The following C10orf90 variants were observed in gnomAD, a reference collection of about 807,000 sequenced individuals.
C10orf90 encodes (E2-independent) E3 ubiquitin-conjugating enzyme FATS.
A neutral mutation model predicts 62.5 loss-of-function variants in C10orf90; 56 were observed. The observed-to-expected ratio is 0.90, with a 90% CI of 0.72 to 1.12. The LOEUF (loss-of-function observed/expected upper bound fraction) is 1.12. Among genes scored for constraint, C10orf90 ranks in the 50% most tolerant of loss-of-function variants. The pLI is 0.00. For missense variants in C10orf90, 970 were observed against 880.4 expected, an observed-to-expected ratio of 1.10 and a Z score of -1.29; for synonymous variants, 386 against 340.4, an observed-to-expected ratio of 1.13 and a Z score of -1.47.
At chr10:126,562,957 A>G (rs1340953986) in intron 2 of C10orf90, among the ~76,000 whole-genome samples, 1 of 152,222 alleles carries the variant, frequency 6.6e-6, no homozygotes, top group Non-Finnish European at 1.5e-5. Context: ...GCATGCTGCC[A>G]CCCACTCTCA....
intron 2 of C10orf90, among the ~76,000 whole-genome samples, chr10:126,592,994 T>C (rs913097426): frequency 2.6e-5 from 4 of 152,184 alleles, no homozygotes; most frequent in African/African-American, 9.7e-5. Context: ...AGATACCATG[T>C]CATGCCAGTC....
intron 4 of C10orf90, among the ~76,000 whole-genome samples, chr10:126,496,407 T>G (rs759579262): frequency 6.6e-6 from 1 of 152,214 alleles, no homozygotes; most frequent in African/African-American, 2.4e-5. Flanking sequence ...TCATCAAGAC[T>G]TATCAAGAGA....
chr10:126,631,604 A>C (rs1564900640), intron 2 of C10orf90, among the ~76,000 whole-genome samples: 1 of 152,050 alleles, frequency 6.6e-6, no homozygotes. Context: ...TTGCATGCTC[A>C]GTGCCCGGCA....
At chr10:126,565,408 A>AATATATATT (rs1419042631) in intron 2 of C10orf90, among the ~76,000 whole-genome samples, 6 of 44,958 alleles carry the variant, frequency 1.3e-4, no homozygotes, top group East Asian at 6.5e-4. Context: ...TATTATATAT[A>AATATATATT]ATATATATTA....
chr10:126,458,612 T>C (rs1859738706), intron 7 of C10orf90, among the ~76,000 whole-genome samples: 1 of 152,118 alleles, frequency 6.6e-6, no homozygotes, highest in Non-Finnish European at 1.5e-5. Context: ...TTCTCTGAGC[T>C]CACAGCAGGA....
At chr10:126,655,703 C>A (rs571379174) in intron 1 of C10orf90, among the ~76,000 whole-genome samples, 1 of 152,220 alleles carries the variant, frequency 6.6e-6, no homozygotes, top group African/African-American at 2.4e-5. Context: ...ACTTTGAAAT[C>A]AAATACACTG....
At position 126,643,424 on chromosome 10, in the gene C10orf90, G is replaced by A. The variant is rs546136403; in HGVS notation, c.313+3141C>T. On this transcript the variant is annotated intron_variant, in intron 2 of 9. Coordinates refer to ENST00000488181, the MANE Select transcript of C10orf90 (RefSeq NM_001350921.2). ...GCCCCTCCCAAGCTGGAGATTCTAC[G>A]GGCCTACTTATGCCTTTTGAGATAC... is the stretch of plus-strand genomic sequence containing the variant. Among the ~76,000 whole-genome samples the A allele has an allele frequency of 3.9e-5, 6 of 152,232 alleles. No individual in the cohort carries two copies. The South Asian group carries it at 6.2e-4, about 16-fold the overall frequency.
intron 2 of C10orf90, among the ~76,000 whole-genome samples, chr10:126,518,219 C>T (rs934760998): frequency 1.8e-4 from 27 of 152,288 alleles, no homozygotes; most frequent in Non-Finnish European, 1.0e-4. Flanking sequence ...AGCATCCACA[C>T]GATGGGGGCA....
At chr10:126,652,832 C>G (rs979965414) in intron 1 of C10orf90, among the ~76,000 whole-genome samples, 8 of 152,108 alleles carry the variant, frequency 5.3e-5, no homozygotes, top group African/African-American at 1.2e-4. Flanking sequence ...TCAGCATGTT[C>G]TATTATGTTT....
intron 2 of C10orf90, among the ~76,000 whole-genome samples, chr10:126,558,215 G>A (rs1455085349): frequency 2.6e-5 from 4 of 152,094 alleles, no homozygotes. Context: ...TACTTTGCCA[G>A]TTTCATTACT....
At chr10:126,636,430 A>G (rs967507498) in intron 2 of C10orf90, among the ~76,000 whole-genome samples, 13 of 152,210 alleles carry the variant, frequency 8.5e-5, no homozygotes, top group African/African-American at 3.1e-4. Context: ...TCCAAAAAAA[A>G]GATGCTGTAT....
At chr10:126,581,792 C>CACA (rs1166834892) in intron 2 of C10orf90, among the ~76,000 whole-genome samples, 2 of 152,202 alleles carry the variant, frequency 1.3e-5, no homozygotes, top group African/African-American at 4.8e-5. Flanking sequence ...TCCCAGCAGA[C>CACA]TTTGCTGCCA....
At chr10:126,655,839 CA>C (rs56164675) in intron 1 of C10orf90, among the ~76,000 whole-genome samples, 257 of 139,616 alleles carry the variant, frequency 1.8e-3, no homozygotes, top group Middle Eastern at 3.8e-3. Flanking sequence ...CAAAACAAAA[CA>C]AAAAAAAAAA....
At chr10:126,594,743 G>A (rs1284705719) in intron 2 of C10orf90, among the ~76,000 whole-genome samples, 1 of 152,136 alleles carries the variant, frequency 6.6e-6, no homozygotes, top group African/African-American at 2.4e-5. Context: ...AGCATTCCAG[G>A]CAAAGGGATC....
intron 2 of C10orf90, among the ~76,000 whole-genome samples, chr10:126,547,396 G>T (rs371013328): frequency 5.3e-5 from 8 of 151,002 alleles, no homozygotes; most frequent in African/African-American, 2.0e-4. Flanking sequence ...TCCAGCCTGG[G>T]CGACAGAGCA....
At chr10:126,607,559 C>T (rs554413154) in intron 2 of C10orf90, among the ~76,000 whole-genome samples, 4 of 152,148 alleles carry the variant, frequency 2.6e-5, no homozygotes, top group Admixed American at 6.6e-5. Flanking sequence ...AGAACTTCTG[C>T]GTGCCTCCTT....
In C10orf90 at chr10:126,562,970, G is replaced by A. The variant is rs117361303; in HGVS notation, c.314-49031C>T. The stretch of plus-strand genomic sequence containing the variant: ...TGGCATGCTGCCACCCACTCTCATG[G>A]GCTGGGCGGAGGGACCCACGTACAT... On this transcript the variant is annotated intron_variant, in intron 2 of 9. Transcript: ENST00000488181. Among the ~76,000 whole-genome samples, 41 of 152,300 alleles carry A rather than the reference G, an allele frequency of 2.7e-4. No homozygotes were observed. The East Asian group carries it at 7.4e-3, about 27-fold the overall frequency.
chr10:126,488,582 G>GA (rs55936006), intron 4 of C10orf90, among the ~76,000 whole-genome samples: 6 of 151,736 alleles, frequency 4.0e-5, no homozygotes, highest in African/African-American at 9.7e-5. Flanking sequence ...GATATTTGGG[G>GA]AAAAAATCAA....
rs1864847858 is a variant in C10orf90 at position 126,559,250 on chromosome 10, C to A, written c.314-45311G>T. ...CCTTAAATTTTTAAAGTAAGCAATACAGATGTTTCCAGCATTTCCATGTTT... is the reference window on the plus strand; with the variant it reads ...CCTTAAATTTTTAAAGTAAGCAATAAAGATGTTTCCAGCATTTCCATGTTT... On this transcript the variant is annotated intron_variant, in intron 2 of 9. Transcript: ENST00000488181. Among the ~76,000 whole-genome samples the A allele has an allele frequency of 2.6e-5, 4 of 152,296 alleles. No individual in the cohort carries two copies. In the South Asian group the frequency reaches 8.3e-4, roughly 32 times the overall value.
Sources: gnomAD v4.1 joint callset for allele counts (sites outside exome capture counted in the v4.1 genomes callset) on GRCh38, gnomAD v4.1.1 for gene constraint, MANE v1.5 for transcripts, NCBI Gene and HGNC (gene_info 2026-07-23, HGNC 2026-07-21) for gene names.